The following ANKRD30B variants were observed in gnomAD, a reference collection of about 807,000 sequenced individuals.
The protein encoded by ANKRD30B is ankyrin repeat domain-containing protein 30B.
Under a neutral mutation model 202.2 loss-of-function variants are expected in ANKRD30B, and 144 were observed. The observed-to-expected ratio is 0.71, with a 90% CI of 0.62 to 0.82. The LOEUF is 0.82. ANKRD30B is among the 40% of genes least tolerant of loss of function. The pLI is 0.00. For missense variants in ANKRD30B, 1,487 were observed against 1,669.1 expected, an observed-to-expected ratio of 0.89 and a Z score of 1.90; for synonymous variants, 508 against 561.3, an observed-to-expected ratio of 0.91 and a Z score of 1.34.
chr18:14,879,688 GT>G, the ANKRD30B span, among the ~76,000 whole-genome samples: 1 of 150,698 alleles, frequency 6.6e-6, no homozygotes, highest in Non-Finnish European at 1.5e-5. Flanking sequence ...GGGATTAGGG[GT>G]TAGGGTGAGG....
chr18:14,785,710 G>C (rs1210094994), intron 14 of ANKRD30B, among the ~76,000 whole-genome samples: 1 of 152,114 alleles, frequency 6.6e-6, no homozygotes, highest in Admixed American at 6.5e-5. Context: ...AGTATGATCT[G>C]AGTTTCTTGG....
intron 6 of ANKRD30B, among the ~76,000 whole-genome samples, chr18:14,763,073 T>A (rs965725698): frequency 3.9e-5 from 6 of 152,152 alleles, no homozygotes; most frequent in Non-Finnish European, 7.4e-5. Flanking sequence ...GCTTCTTTAT[T>A]AAGATACTAA....
chr18:14,915,892 A>T, the ANKRD30B span, among the ~76,000 whole-genome samples: 1 of 152,242 alleles, frequency 6.6e-6, no homozygotes, highest in Non-Finnish European at 1.5e-5. Context: ...AATAAAAAAC[A>T]TGGTATAACA....
At chr18:14,919,980 C>T in the ANKRD30B span, among the ~76,000 whole-genome samples, 1 of 152,176 alleles carries the variant, frequency 6.6e-6, no homozygotes, top group Non-Finnish European at 1.5e-5. Context: ...GCACAGGCCT[C>T]TGAACTGTGC....
the ANKRD30B span, among the ~76,000 whole-genome samples, chr18:14,936,022 C>T: frequency 1.3e-5 from 2 of 152,240 alleles, no homozygotes; most frequent in African/African-American, 2.4e-5. Flanking sequence ...TTGCTGTTGT[C>T]TTCTTCTAAA....
intron 14 of ANKRD30B, 87 bp from the exon 15 acceptor site, chr18:14,786,952 C>A: frequency 7.6e-7 from 1 of 1,314,892 alleles, no homozygotes; most frequent in East Asian, 2.6e-5. Context: ...ACTACAGATT[C>A]GTGAATGAAA....
At chr18:14,825,989 C>G (rs1303573037) in intron 32 of ANKRD30B, among the ~76,000 whole-genome samples, 1 of 152,068 alleles carries the variant, frequency 6.6e-6, no homozygotes, top group Non-Finnish European at 1.5e-5. Context: ...ATGGGACAGA[C>G]CAACCGTTTT....
chr18:14,846,068 ATT>A (rs56892007), intron 39 of ANKRD30B, among the ~76,000 whole-genome samples: 28,714 of 146,842 alleles, frequency 0.2, 3,043 homozygotes, highest in Non-Finnish European at 0.26. Context: ...TTACTTTCTT[ATT>A]TTTTTTTTTT....
intron 9 of ANKRD30B, among the ~76,000 whole-genome samples, chr18:14,776,608 G>C (rs927508163): frequency 6.6e-6 from 1 of 152,160 alleles, no homozygotes; most frequent in Non-Finnish European, 1.5e-5. Flanking sequence ...CCATGTCATC[G>C]TCATCCTCAT....
intron 8 of ANKRD30B, 39 bp downstream of exon 8, chr18:14,769,412 CAG>C (rs770078321): frequency 6.6e-7 from 1 of 1,504,236 alleles, no homozygotes; most frequent in South Asian, 1.2e-5. Context: ...TAGGTTAACT[CAG>C]AAAACATAGA....
the ANKRD30B span, among the ~76,000 whole-genome samples, chr18:14,907,258 A>T: frequency 6.6e-6 from 1 of 152,138 alleles, no homozygotes; most frequent in African/African-American, 2.4e-5. Flanking sequence ...TTCTATTCAG[A>T]TAACTAGGGA....
intron 30 of ANKRD30B, among the ~76,000 whole-genome samples, chr18:14,821,091 G>C (rs1433391716): frequency 6.6e-6 from 1 of 152,158 alleles, no homozygotes; most frequent in South Asian, 2.1e-4. Context: ...TTTAGTCTTG[G>C]GAGAGTGTGT....
intron 24 of ANKRD30B, among the ~76,000 whole-genome samples, chr18:14,806,949 A>T (rs1476570194): frequency 6.6e-6 from 1 of 150,982 alleles, no homozygotes; most frequent in Non-Finnish European, 1.5e-5. Context: ...TAATGAATCG[A>T]GAACGACCTT....
the ANKRD30B span, among the ~76,000 whole-genome samples, chr18:14,940,032 T>G: frequency 6.6e-6 from 1 of 152,248 alleles, no homozygotes; most frequent in African/African-American, 2.4e-5. Flanking sequence ...CGTTGACTCC[T>G]TATTCATAGG....
intron 8 of ANKRD30B, 38 bp from the exon 9 acceptor site, chr18:14,772,118 G>A (rs1187419430): frequency 7.8e-7 from 1 of 1,289,160 alleles, no homozygotes; most frequent in East Asian, 2.7e-5. Context: ...TTAAATATAT[G>A]AATTTGCTCA....
chr18:14,854,394 T>A lies in ANKRD30B; in HGVS notation c.*236T>A, dbSNP rs1381246286. On this transcript the variant is annotated 3_prime_UTR_variant, in exon 44 of 44. Transcript: ENST00000690538. Reference sequence around the variant, plus strand: ...TAGTGCAGAGATGTCCTGGCAGTGCTTCTGGTGTGTGGGATGGGGGTAGAA... The same window carrying A: ...TAGTGCAGAGATGTCCTGGCAGTGCATCTGGTGTGTGGGATGGGGGTAGAA... Among the ~76,000 whole-genome samples, 1 of 152,210 alleles carries A rather than the reference T, an allele frequency of 6.6e-6. No homozygotes were observed. Among genetic ancestry groups the A allele is most frequent in the East Asian group, 1.9e-4 (1 of 5,180 alleles).
chr18:14,815,852 A>C (rs902084886), intron 30 of ANKRD30B, among the ~76,000 whole-genome samples: 3 of 152,190 alleles, frequency 2.0e-5, no homozygotes, highest in Non-Finnish European at 2.9e-5. Flanking sequence ...TGAGTGGATC[A>C]AGGAATATTG....
At chr18:14,804,908 GA>G (rs1415694326) in intron 24 of ANKRD30B, among the ~76,000 whole-genome samples, 1 of 150,756 alleles carries the variant, frequency 6.6e-6, no homozygotes, top group Non-Finnish European at 1.5e-5. Flanking sequence ...TTGTATGAAG[GA>G]AAATGGAGTG....
At chr18:14,791,556 A>T (rs1417358841) in intron 16 of ANKRD30B, 65 bp downstream of exon 16, 4 of 1,261,518 alleles carry the variant, frequency 3.2e-6, no homozygotes, top group African/African-American at 3.0e-5. Flanking sequence ...ATGAGGAAGG[A>T]TATCCTCTAA....
Sources: gnomAD v4.1 joint callset for allele counts (sites outside exome capture counted in the v4.1 genomes callset) on GRCh38, gnomAD v4.1.1 for gene constraint, MANE v1.5 for transcripts, NCBI Gene and HGNC (gene_info 2026-07-23, HGNC 2026-07-21) for gene names.